Variants in GATAD2B observed in about 807,000 individuals in gnomAD.
GATAD2B encodes the protein transcriptional repressor p66-beta.
Under a neutral mutation model 64.3 loss-of-function variants are expected in GATAD2B, and 8 were observed. The observed-to-expected ratio is 0.12, with a 90% CI of 0.07 to 0.22. GATAD2B has a LOEUF of 0.22. GATAD2B is among the 10% of genes least tolerant of loss of function. The pLI, the probability that GATAD2B is intolerant of heterozygous loss-of-function variation, is 1.00. For synonymous variants in GATAD2B, 281 were observed against 271.3 expected, an observed-to-expected ratio of 1.04 and a Z score of -0.35; for missense variants, 453 against 752.0, an observed-to-expected ratio of 0.60 and a Z score of 4.65.
intron 1 of GATAD2B, among the ~76,000 whole-genome samples, chr1:153,858,949 C>T (rs1676179827): frequency 6.6e-6 from 1 of 151,914 alleles, no homozygotes; most frequent in South Asian, 2.1e-4. Flanking sequence ...GTGAACTGTG[C>T]AAATATCTGG....
At chr1:153,874,457 T>G (rs1294842476) in intron 1 of GATAD2B, among the ~76,000 whole-genome samples, 1 of 152,206 alleles carries the variant, frequency 6.6e-6, no homozygotes. Flanking sequence ...TTATTAGCCA[T>G]GTCAATAGAC....
intron 1 of GATAD2B, among the ~76,000 whole-genome samples, chr1:153,854,203 C>G (rs1423009663): frequency 5.3e-5 from 8 of 152,044 alleles, no homozygotes; most frequent in Non-Finnish European, 1.2e-4. Flanking sequence ...GAGATCGAGA[C>G]CGTCCTGGCT....
chr1:153,874,131 G>A (rs538185415), intron 1 of GATAD2B, among the ~76,000 whole-genome samples: 58 of 150,536 alleles, frequency 3.9e-4, no homozygotes, highest in Non-Finnish European at 6.7e-4. Flanking sequence ...GTGTGGTGGC[G>A]TGTGCCTGTA....
intron 1 of GATAD2B, among the ~76,000 whole-genome samples, chr1:153,900,527 T>C (rs1337633791): frequency 6.6e-6 from 1 of 152,146 alleles, no homozygotes; most frequent in African/African-American, 2.4e-5. Flanking sequence ...TTTTTCTTTA[T>C]TTTTTTGAGA....
chr1:153,810,457 A>G, intron 10 of GATAD2B, 147 bp from the exon 11 acceptor site: 1 of 755,332 alleles, frequency 1.3e-6, no homozygotes, highest in Non-Finnish European at 2.2e-6. Flanking sequence ...TTATTTCAAC[A>G]GCAACTTTCT....
At chr1:153,907,699 C>T (rs1485132772) in intron 1 of GATAD2B, among the ~76,000 whole-genome samples, 1 of 148,038 alleles carries the variant, frequency 6.8e-6, no homozygotes, top group East Asian at 2.0e-4. Context: ...GATGCAGTGG[C>T]GTGAGCTCGG....
chr1:153,841,178 C>T lies in GATAD2B; in HGVS notation c.-1-12830G>A, dbSNP rs1675481108. ...AAAAAAAGATGGAGATAAAGAAGATCTCATGTACCCTTTATCTAGTTTCCC... is the reference window on the plus strand; with the variant it reads ...AAAAAAAGATGGAGATAAAGAAGATTTCATGTACCCTTTATCTAGTTTCCC... On this transcript the variant is annotated intron_variant, in intron 1 of 10. Coordinates refer to ENST00000368655, the MANE Select transcript of GATAD2B (RefSeq NM_020699.4). Among the ~76,000 whole-genome samples, 3 of 151,464 alleles carry T rather than the reference C, an allele frequency of 2.0e-5. No individual in the cohort carries two copies. In the South Asian group the frequency reaches 6.2e-4, roughly 31 times the overall value.
Position 153,818,109 on chromosome 1 carries a change from C to G in GATAD2B, c.660G>C (p.Gln220His). Residue 220 changes from glutamine to histidine, a missense_variant, in exon 5 of 11, where the codon CAG becomes CAC. By Grantham distance (24) the Gln-to-His change is conservative. This residue lies in a region of GATAD2B where 293 missense variants were observed against 417.2 expected (regional missense o/e 0.70). Coordinates refer to ENST00000368655, the MANE Select transcript of GATAD2B (RefSeq NM_020699.4). ...GCCGAGAGGGAAGCTTAGATAGGCC[C>G]TGCTGTCCCACATGGGCAGGAGATG... Reference protein sequence around the residue: ...VQPSPAHVGQQGLSKLPSRPG... With the variant: ...VQPSPAHVGQHGLSKLPSRPG... 8.7e-6 allele frequency: 14 copies of G among 1,613,214 alleles called. No individual in the cohort carries two copies. Among genetic ancestry groups the G allele is most frequent in the Non-Finnish European group, 1.1e-5 (13 of 1,179,460 alleles).
chr1:153,852,253 C>A, intron 1 of GATAD2B: 1 of 1,232,746 alleles, frequency 8.1e-7, no homozygotes, highest in Non-Finnish European at 1.2e-6. Flanking sequence ...TCCATCAAGT[C>A]ATCTAAAGAT....
rs564018508 is a variant in GATAD2B, at chr1:153,890,172, CAAAAAAA to C, written c.-2+32554_-2+32560del. Reference sequence around the variant, plus strand: ...GGGCAACAAGAGCGAAACTCTGTTTCAAAAAAAAAAAAAAGAAAAAAAAAGAAAGATA... The same window carrying C: ...GGGCAACAAGAGCGAAACTCTGTTTCAAAAAAAGAAAAAAAAAGAAAGATA... On this transcript the variant is annotated intron_variant, in intron 1 of 10. Transcript: ENST00000368655. Among the ~76,000 whole-genome samples, 5 of 66,586 alleles carry C rather than the reference CAAAAAAA, an allele frequency of 7.5e-5. No individual in the cohort carries two copies. The East Asian group carries it at 2.1e-3, about 28-fold the overall frequency. 43.7% of individuals were successfully genotyped at this position (66,586 alleles called of 152,430 possible). A position where few individuals can be genotyped will look rare whatever the true frequency, so the allele number is the denominator to read the frequency against.
intron 1 of GATAD2B, among the ~76,000 whole-genome samples, chr1:153,838,524 T>C (rs375945854): frequency 6.6e-6 from 1 of 152,044 alleles, no homozygotes; most frequent in South Asian, 2.1e-4. Context: ...TCCCCCTTTT[T>C]TGAGTCTCAC....
At chr1:153,863,585 T>C (rs1319460848) in intron 1 of GATAD2B, among the ~76,000 whole-genome samples, 2 of 151,780 alleles carry the variant, frequency 1.3e-5, no homozygotes, top group East Asian at 3.8e-4. Context: ...GTTAGCTACA[T>C]TTTTCCAACC....
Position 153,889,251 on chromosome 1 carries a change from A to G in GATAD2B, c.-2+33482T>C, listed in dbSNP as rs141820666. ...AACATGGAAAAAACCTATCTCTACT[A>G]AAAATACAAAATTAGCAGGGCGTGG... On this transcript the variant is annotated intron_variant, in intron 1 of 10. Transcript: ENST00000368655. Among the ~76,000 whole-genome samples, 11 of 151,908 alleles carry G rather than the reference A, an allele frequency of 7.2e-5. No individual in the cohort carries two copies. The East Asian group carries it at 1.9e-3, about 27-fold the overall frequency.
chr1:153,838,493 C>A (rs537058613), intron 1 of GATAD2B, among the ~76,000 whole-genome samples: 1 of 151,854 alleles, frequency 6.6e-6, no homozygotes, highest in Non-Finnish European at 1.5e-5. Context: ...TGCAAAGAGA[C>A]GCGCCCTGCC....
Position 153,811,860 on chromosome 1 carries a change from A to AGGAGACAGTGGATACAACTTT in GATAD2B, c.1531-33_1531-13dup, listed in dbSNP as rs749512166. 1.3e-6 allele frequency: 2 copies of AGGAGACAGTGGATACAACTTT among 1,543,292 alleles called. No homozygotes were observed. Among genetic ancestry groups the AGGAGACAGTGGATACAACTTT allele is most frequent in the Admixed American group, 1.7e-5 (1 of 57,184 alleles). On this transcript the variant is annotated splice_polypyrimidine_tract_variant and intron_variant, in intron 9 of 10. Transcript: ENST00000368655. ...TGGGGCTGTGGAGCCTGCAATGATGAGGAGACAGTGGATACAACTTTGATA... is the reference window on the plus strand; with the variant it reads ...TGGGGCTGTGGAGCCTGCAATGATGAGGAGACAGTGGATACAACTTTGGAGACAGTGGATACAACTTTGATA...
At chr1:153,869,590 C>T (rs2101928547) in intron 1 of GATAD2B, among the ~76,000 whole-genome samples, 1 of 152,136 alleles carries the variant, frequency 6.6e-6, no homozygotes, top group Middle Eastern at 3.4e-3. Flanking sequence ...CACGATGTTC[C>T]AGGTTCATCA....
chr1:153,828,045 A>G lies in GATAD2B; in HGVS notation c.303T>C (p.Asn101=). Residue 101 remains asparagine (N), a synonymous_variant, in exon 2 of 11, where the codon AAT becomes AAC. Transcript: ENST00000368655. ...TAGRPGKENI[N]DEPVDMSARR... ...TAGCACTCATATCCACAGGCTCATC[A>G]TTGATGTTTTCTTTGCCTGGCCTTC... 6.2e-7 allele frequency: 1 copy of G among 1,614,022 alleles called. No homozygotes were observed. The highest frequency in any genetic ancestry group is 8.5e-7 in the Non-Finnish European group (1 of 1,179,998).
At chr1:153,903,061 C>T (rs1677826706) in intron 1 of GATAD2B, among the ~76,000 whole-genome samples, 1 of 151,726 alleles carries the variant, frequency 6.6e-6, no homozygotes, top group Admixed American at 6.6e-5. Flanking sequence ...ACTAAAAATA[C>T]AAAAAAATTA....
At chr1:153,865,176 C>G (rs913817518) in intron 1 of GATAD2B, among the ~76,000 whole-genome samples, 4 of 149,860 alleles carry the variant, frequency 2.7e-5, no homozygotes, top group Admixed American at 2.0e-4. Context: ...ACGTCTAATT[C>G]TGGCCAGGCA....
Sources: gnomAD v4.1 joint callset for allele counts (sites outside exome capture counted in the v4.1 genomes callset) on GRCh38, gnomAD v4.1.1 for gene constraint, gnomAD v4.1.1 regional missense constraint, MANE v1.5 for transcripts, NCBI Gene and HGNC (gene_info 2026-07-23, HGNC 2026-07-21) for gene names.